Variants in NUMA1 observed in about 807,000 individuals in gnomAD.
The protein encoded by NUMA1 is SP-H antigen.
NUMA1 carries 62 observed loss-of-function variants against 237.1 expected under a neutral mutation model. That is an observed-to-expected ratio of 0.26 (90% CI 0.21 to 0.32). The LOEUF (loss-of-function observed/expected upper bound fraction) is 0.32. NUMA1 is among the 10% of genes least tolerant of loss of function. The pLI is 1.00. For missense variants in NUMA1, 2,533 were observed against 2,666.5 expected (o/e 0.95, Z 1.10); for synonymous variants, 1,028 against 1,066.1 (o/e 0.96, Z 0.70).
intron 20 of NUMA1, chr11:72,008,306 A>C: frequency 5.3e-6 from 2 of 377,086 alleles, no homozygotes; most frequent in East Asian, 6.0e-5. Flanking sequence ...TAAACCTTTC[A>C]ATTACAGCCA....
At chr11:72,068,134 G>A (rs2136242383) in intron 2 of NUMA1, 1 of 152,362 alleles carries the variant, frequency 6.6e-6, no homozygotes, top group African/African-American at 2.4e-5. Flanking sequence ...ATTTGGGTGT[G>A]TTGGTGGGCA....
chr11:72,011,177 C>G (rs1590884934), intron 16 of NUMA1, among the ~76,000 whole-genome samples: 3 of 152,340 alleles, frequency 2.0e-5, no homozygotes, highest in Admixed American at 2.0e-4. Context: ...CACCTCACCA[C>G]CACCTTGCTG....
At chr11:72,025,729 CTA>C (rs1197759153) in intron 4 of NUMA1, among the ~76,000 whole-genome samples, 1 of 152,214 alleles carries the variant, frequency 6.6e-6, no homozygotes, top group Non-Finnish European at 1.5e-5. Flanking sequence ...CAAGCCAAGA[CTA>C]TGAGTGTACC....
At chr11:72,054,664 TG>T in intron 2 of NUMA1, among the ~76,000 whole-genome samples, 1 of 152,202 alleles carries the variant, frequency 6.6e-6, no homozygotes, top group Non-Finnish European at 1.5e-5. Context: ...AATCCAAGAC[TG>T]TCCCACTCCA....
intron 2 of NUMA1, chr11:72,042,128 T>C (rs1429611415): frequency 6.6e-6 from 1 of 152,230 alleles, no homozygotes; most frequent in Non-Finnish European, 1.5e-5. Flanking sequence ...TTCTCCTACA[T>C]GGCTGAAAAC....
At position 72,009,266 on chromosome 11, in the gene NUMA1, A is replaced by C. The variant is rs1367786595; in HGVS notation, c.4839+2T>G. The C allele has an allele frequency of 6.2e-7, 1 of 1,612,188 alleles. No individual in the cohort carries two copies. The highest frequency in any genetic ancestry group is 8.5e-7 in the Non-Finnish European group (1 of 1,179,596). ...GGCATGGGCTGGGGCTGGGCTCCTT[A>C]CCTGCAGCTTATAGTGCTCAGCTGC... On this transcript the variant is annotated splice_donor_variant, in intron 18 of 26. Transcript: ENST00000393695. LOFTEE classifies it high-confidence loss of function.
At chr11:72,046,006 G>A (rs1001451492) in intron 2 of NUMA1, among the ~76,000 whole-genome samples, 3 of 152,178 alleles carry the variant, frequency 2.0e-5, no homozygotes, top group Non-Finnish European at 2.9e-5. Flanking sequence ...TGCAGCTTCC[G>A]AGAGGCTGAA....
At chr11:72,067,034 A>G (rs1943231363) in intron 2 of NUMA1, 1 of 152,256 alleles carries the variant, frequency 6.6e-6, no homozygotes, top group African/African-American at 2.4e-5. Context: ...CAAGATGACT[A>G]TGTTTACACA....
At position 72,004,095 on chromosome 11, in the gene NUMA1, T is replaced by A. The variant is rs1590847391; in HGVS notation, c.6128A>T (p.Asp2043Val). ...GCTGAAGGCCATCGACTGGCGCCGG[T>A]CAGCCTGCAAGGAAGGGCTGTCAGA... ...KAAPASTKQA[D>V]RRQSMAFSIL... Residue 2043 changes from aspartate (D) to valine (V), a missense_variant, in exon 26 of 27, where the codon GAC (aspartate) becomes GTC (valine). Coordinates refer to ENST00000393695, the MANE Select transcript of NUMA1 (RefSeq NM_006185.4). 6.2e-7 allele frequency: 1 copy of A among 1,613,270 alleles called. No homozygotes were observed. The highest frequency in any genetic ancestry group is 1.7e-5 in the Admixed American group (1 of 59,810).
intron 24 of NUMA1, 66 bp from the exon 25 acceptor site, chr11:72,004,407 G>A (rs1955528733): frequency 1.4e-6 from 2 of 1,452,070 alleles, no homozygotes; most frequent in Non-Finnish European, 1.9e-6. Flanking sequence ...CAGGTGTCTT[G>A]TCCTCTCAGA....
intron 1 of NUMA1, among the ~76,000 whole-genome samples, chr11:72,075,535 T>A (rs539766169): frequency 1.3e-5 from 2 of 152,230 alleles, no homozygotes; most frequent in African/African-American, 4.8e-5. Context: ...TAACACCCTC[T>A]CCAGAGAATC....
chr11:72,003,719 C>T (rs531620960), intron 26 of NUMA1, 168 bp downstream of exon 26: 2 of 972,994 alleles, frequency 2.1e-6, no homozygotes, highest in African/African-American at 1.6e-5. Context: ...AGAATGGGGC[C>T]ATCTGTCTTC....
At chr11:72,044,606 G>A (rs552085605) in intron 2 of NUMA1, among the ~76,000 whole-genome samples, 7 of 151,686 alleles carry the variant, frequency 4.6e-5, no homozygotes, top group East Asian at 3.9e-4. Context: ...TTACTTTGGG[G>A]GGGGGGAGGA....
At position 72,015,067 on chromosome 11, in the gene NUMA1, G is replaced by A; in HGVS notation, c.2436C>T (p.Ala812=). Residue 812 remains alanine (A), a synonymous_variant, in exon 15 of 27, where the codon GCC becomes GCT. Transcript: ENST00000393695. This position sits in a 1 kb window ranked among gnomAD's most constrained non-coding sequence, Gnocchi z 4.0. ...GGCTATCCTCATACCGCTCACGCCA[G>A]GCAGCTACTTCTTTGACGAGCTGCT... is the stretch of plus-strand genomic sequence containing the variant. ...ECEQLVKEVA[A]WRERYEDSQQ... The A allele has an allele frequency of 6.2e-7, 1 of 1,614,090 alleles. No individual in the cohort carries two copies. Among genetic ancestry groups the A allele is most frequent in the Non-Finnish European group, 8.5e-7 (1 of 1,180,044 alleles).
chr11:72,045,802 C>G (rs1941959905), intron 2 of NUMA1, among the ~76,000 whole-genome samples: 1 of 152,134 alleles, frequency 6.6e-6, no homozygotes, highest in Non-Finnish European at 1.5e-5. Flanking sequence ...TAAAGACTGG[C>G]ATTATCAATG....
chr11:72,004,340 G>A lies in NUMA1; in HGVS notation c.6008C>T (p.Ser2003Phe). The A allele has an allele frequency of 1.2e-6, 2 of 1,611,466 alleles. No individual in the cohort carries two copies. Among genetic ancestry groups the A allele is most frequent in the Non-Finnish European group, 1.7e-6 (2 of 1,179,018 alleles). The change falls in exon 25 of 27, where the codon TCT becomes TTT. Residue 2003 changes from serine to phenylalanine, a missense_variant and splice_region_variant. Ser to Phe is a radical substitution (Grantham distance 155). Around this residue, in one of 3 missense-constraint regions of NUMA1, gnomAD observed 795 missense variants for 750.8 expected, o/e 1.06. Transcript: ENST00000393695. ...TGGGAAACAGCTGGTGGCCTTCTTA[G>A]ACTATGGAGAAGAGGACAGTTAGGC... ...EPHQGPGTPESKKATSCFPRP... is the reference protein window; with the variant it reads ...EPHQGPGTPEFKKATSCFPRP...
In NUMA1 at chr11:72,035,905, A is replaced by G. The variant is rs1358651123; in HGVS notation, c.39T>C (p.Ser13=). ...AAAAGAGAGGAAGACTACTTACCCA[A>G]GAGAGGAGTGCAGCCCCCCGGGTGG... ...LHATRGAALL[S]WVNSLHVADP... Residue 13 remains serine (S), a synonymous_variant, in exon 3 of 27, where the codon TCT becomes TCC. Transcript: ENST00000393695. 4.3e-6 allele frequency: 7 copies of G among 1,614,004 alleles called. No homozygotes were observed. Among genetic ancestry groups the G allele is most frequent in the Non-Finnish European group, 5.9e-6 (7 of 1,179,916 alleles).
rs1024374057 is a variant in NUMA1 at position 72,021,048 on chromosome 11, A to G, written c.460+156T>C. 4.1e-5 allele frequency: 26 copies of G among 638,640 alleles called. No homozygotes were observed. In the Admixed American group the frequency reaches 6.0e-4, roughly 15 times the overall value. The allele number at this position is 638,640 out of a possible 1,614,324, so 39.6% of individuals were successfully genotyped here. A position where few individuals can be genotyped will look rare whatever the true frequency, so the allele number is the denominator to read the frequency against. On this transcript the variant is annotated intron_variant, in intron 8 of 26. Coordinates refer to ENST00000393695, the MANE Select transcript of NUMA1 (RefSeq NM_006185.4). ...GAACTGAGATGATACAACATGGCCC[A>G]GAAATCGACCTACTCCATTACACAC...
chr11:72,037,571 A>C (rs986065151), intron 2 of NUMA1, among the ~76,000 whole-genome samples: 1 of 152,254 alleles, frequency 6.6e-6, no homozygotes, highest in Non-Finnish European at 1.5e-5. Flanking sequence ...GGAGACAATG[A>C]CATGGTCCTT....
Sources: gnomAD v4.1 joint callset for allele counts (sites outside exome capture counted in the v4.1 genomes callset) on GRCh38, gnomAD v4.1.1 for gene constraint, gnomAD v4.1.1 regional missense constraint, Gnocchi (gnomAD v3.1) non-coding constraint, MANE v1.5 for transcripts, NCBI Gene and HGNC (gene_info 2026-07-23, HGNC 2026-07-21) for gene names.